Variants in CNTNAP2 observed in about 807,000 individuals in gnomAD.
CNTNAP2 encodes contactin associated protein 2, also known as contactin-associated protein-like 2.
In CNTNAP2, 98 loss-of-function variants were observed where a neutral mutation model predicts 155.2. The observed-to-expected ratio is 0.63, with a 90% CI of 0.54 to 0.75. The LOEUF is 0.75. CNTNAP2 is among the 30% of genes least tolerant of loss of function. The probability of loss-of-function intolerance (pLI) is 0.00; values close to 1 mark genes in which losing one functional copy is unlikely to be tolerated. For missense variants in CNTNAP2, 1,727 were observed against 1,688.1 expected (o/e 1.02, Z -0.40); for synonymous variants, 651 against 631.2 (o/e 1.03, Z -0.47).
At chr7:146,293,720 A>G (rs1800467784) in intron 1 of CNTNAP2, among the ~76,000 whole-genome samples, 1 of 152,084 alleles carries the variant, frequency 6.6e-6, no homozygotes, top group Admixed American at 6.6e-5. Context: ...GATTTGCTTA[A>G]TGCTCATTGG....
Position 147,395,770 on chromosome 7 carries a change from A to G in CNTNAP2, c.1660A>G (p.Ile554Val), listed in dbSNP as rs756621409. ...FANVSIDMCA[I>V]IDRCVPNHCE... is the part of the protein sequence containing the mutation. ...GAATGTCAGCATTGACATGTGTGCGATCATAGACAGGTAAATGATCTTTTC... is the reference window on the plus strand; with the variant it reads ...GAATGTCAGCATTGACATGTGTGCGGTCATAGACAGGTAAATGATCTTTTC... The change falls in exon 10 of 24, where the codon ATC (isoleucine) becomes GTC (valine). Residue 554 changes from isoleucine to valine, a missense_variant. Transcript: ENST00000361727. 2 of 1,612,100 alleles carry G rather than the reference A, an allele frequency of 1.2e-6. No individual in the cohort carries two copies. The highest frequency in any genetic ancestry group is 2.2e-5 in the East Asian group (1 of 44,836).
chr7:147,915,485 A>G (rs1800142377), intron 14 of CNTNAP2, among the ~76,000 whole-genome samples: 1 of 152,212 alleles, frequency 6.6e-6, no homozygotes. Flanking sequence ...GGTATCAGTT[A>G]TGACACCAGT....
At chr7:146,904,175 T>G (rs939991863) in intron 3 of CNTNAP2, among the ~76,000 whole-genome samples, 1 of 152,108 alleles carries the variant, frequency 6.6e-6, no homozygotes, top group Non-Finnish European at 1.5e-5. Context: ...GCCTCTAACT[T>G]ACTCGTCTCC....
intron 1 of CNTNAP2, among the ~76,000 whole-genome samples, chr7:146,636,414 G>T (rs1177885781): frequency 6.6e-6 from 1 of 151,962 alleles, no homozygotes; most frequent in Admixed American, 6.6e-5. Context: ...GGTGTTACTA[G>T]AAAAAAAGCC....
At chr7:147,698,346 T>C (rs1162441461) in intron 13 of CNTNAP2, among the ~76,000 whole-genome samples, 2 of 152,206 alleles carry the variant, frequency 1.3e-5, no homozygotes, top group African/African-American at 2.4e-5. Flanking sequence ...TTGCCTCTTG[T>C]GAGTTTGGGG....
intron 15 of CNTNAP2, among the ~76,000 whole-genome samples, chr7:148,003,164 C>T (rs1801925917): frequency 6.6e-6 from 1 of 152,072 alleles, no homozygotes; most frequent in African/African-American, 2.4e-5. Context: ...TCTATGTGTC[C>T]TTCCCAAGGA....
At chr7:147,284,141 T>G (rs1241447056) in intron 8 of CNTNAP2, among the ~76,000 whole-genome samples, 1 of 151,826 alleles carries the variant, frequency 6.6e-6, no homozygotes, top group African/African-American at 2.4e-5. Context: ...AAGTATTTAT[T>G]TTAATGTGCC....
chr7:147,805,385 T>A (rs1334146668), intron 13 of CNTNAP2, among the ~76,000 whole-genome samples: 1 of 152,238 alleles, frequency 6.6e-6, no homozygotes, highest in Non-Finnish European at 1.5e-5. Flanking sequence ...GATAATTTGA[T>A]TTCTCCCCTT....
chr7:148,106,493 G>GAGAGAGAT (rs1554472856), intron 15 of CNTNAP2, among the ~76,000 whole-genome samples: 2 of 124,926 alleles, frequency 1.6e-5, no homozygotes, highest in Admixed American at 7.8e-5. Context: ...CACACTTTGA[G>GAGAGAGAT]ATATATATAT....
chr7:147,465,382 T>C (rs1439058343), intron 10 of CNTNAP2, among the ~76,000 whole-genome samples: 3 of 152,154 alleles, frequency 2.0e-5, no homozygotes, highest in Non-Finnish European at 4.4e-5. Flanking sequence ...TAAATTGCAG[T>C]GATGTCAGTG....
At chr7:147,034,686 G>T (rs1799113105) in intron 3 of CNTNAP2, among the ~76,000 whole-genome samples, 1 of 152,166 alleles carries the variant, frequency 6.6e-6, no homozygotes, top group African/African-American at 2.4e-5. Flanking sequence ...TCTCAGCGAG[G>T]TGGATGGGGA....
intron 10 of CNTNAP2, among the ~76,000 whole-genome samples, chr7:147,466,351 A>G (rs1175146623): frequency 6.6e-6 from 1 of 152,196 alleles, no homozygotes; most frequent in Non-Finnish European, 1.5e-5. Context: ...TTGTATATTG[A>G]TAATTTCTTA....
At chr7:146,890,873 C>G (rs1795760968) in intron 3 of CNTNAP2, among the ~76,000 whole-genome samples, 1 of 152,122 alleles carries the variant, frequency 6.6e-6, no homozygotes, top group Non-Finnish European at 1.5e-5. Context: ...GATTACCCAG[C>G]AATCCCATTT....
rs545648640 is a variant in CNTNAP2, at chr7:146,906,045, C to T, written c.402+66141C>T. Among the ~76,000 whole-genome samples the T allele has an allele frequency of 5.9e-5, 9 of 152,278 alleles. No individual in the cohort carries two copies. In the South Asian group the frequency reaches 1.7e-3, roughly 28 times the overall value. ...CCGAGTCAAAGAAAGGGGTGACGGA[C>T]GCACCTGGAAAATCGGGTCACTCCC... is the stretch of plus-strand genomic sequence containing the variant. On this transcript the variant is annotated intron_variant, in intron 3 of 23. Transcript: ENST00000361727.
intron 13 of CNTNAP2, among the ~76,000 whole-genome samples, chr7:147,754,223 G>T (rs1047114881): frequency 7.9e-5 from 12 of 152,224 alleles, no homozygotes; most frequent in African/African-American, 2.9e-4. Context: ...ACTCAAAAAA[G>T]GTTTTAAAAA....
rs922613693 is a variant in CNTNAP2 at position 146,519,935 on chromosome 7, GA to G, written c.98-254328del. Among the ~76,000 whole-genome samples the G allele has an allele frequency of 1.3e-4, 20 of 150,508 alleles. 1 individual carries two copies. The East Asian group carries it at 1.6e-3, about 12-fold the overall frequency. On this transcript the variant is annotated intron_variant, in intron 1 of 23. Coordinates refer to ENST00000361727, the MANE Select transcript of CNTNAP2 (RefSeq NM_014141.6). Reference sequence around the variant, plus strand: ...GAGGAATTCAGGGAATTTTATGGGGGAAAAAAAACCTTAAAACTTGAAGCAA... The same window carrying G: ...GAGGAATTCAGGGAATTTTATGGGGGAAAAAAACCTTAAAACTTGAAGCAA...
intron 12 of CNTNAP2, among the ~76,000 whole-genome samples, chr7:147,580,094 A>T (rs1307365887): frequency 1.3e-5 from 2 of 152,242 alleles, no homozygotes; most frequent in Non-Finnish European, 1.5e-5. Flanking sequence ...CTGACTGTTC[A>T]TGCATGTTGA....
chr7:147,875,602 G>A (rs978865247), intron 13 of CNTNAP2, among the ~76,000 whole-genome samples: 4 of 152,042 alleles, frequency 2.6e-5, no homozygotes, highest in African/African-American at 4.8e-5. Flanking sequence ...TTTTAAAAAT[G>A]CTTAACATGA....
At chr7:146,531,676 G>T (rs1797771797) in intron 1 of CNTNAP2, among the ~76,000 whole-genome samples, 1 of 152,082 alleles carries the variant, frequency 6.6e-6, no homozygotes, top group African/African-American at 2.4e-5. Flanking sequence ...CTCCCAAGTA[G>T]CGGGATTACA....
Sources: allele counts gnomAD v4.1 joint callset (sites outside exome capture counted in the v4.1 genomes callset), GRCh38; gene constraint gnomAD v4.1.1; transcripts MANE v1.5; gene names NCBI Gene and HGNC (gene_info 2026-07-23, HGNC 2026-07-21).